The following NINL variants were observed in gnomAD, a reference collection of about 807,000 sequenced individuals.
NINL encodes the protein ninein-like protein.
Under a neutral mutation model 160.3 loss-of-function variants are expected in NINL, and 153 were observed. That is an observed-to-expected ratio of 0.95 (90% CI 0.84 to 1.09). The LOEUF (loss-of-function observed/expected upper bound fraction) is 1.09, where lower values mean the gene tolerates loss of function less well. Among genes scored for constraint, NINL ranks in the 50% least tolerant of loss-of-function variants. The probability of loss-of-function intolerance (pLI) is 0.00; values close to 1 mark genes in which losing one functional copy is unlikely to be tolerated. For missense variants in NINL, 1,829 were observed against 1,764.0 expected (o/e 1.04, Z -0.66); for synonymous variants, 800 against 734.8 (o/e 1.09, Z -1.43).
intron 2 of NINL, among the ~76,000 whole-genome samples, chr20:25,523,237 T>C (rs1568940294): frequency 5.3e-5 from 8 of 151,646 alleles, no homozygotes. Flanking sequence ...TATGAGAGAA[T>C]ATATATATAT....
intron 14 of NINL, 100 bp downstream of exon 14, chr20:25,481,868 A>T (rs1490477370): frequency 4.7e-6 from 7 of 1,488,468 alleles, no homozygotes; most frequent in Non-Finnish European, 6.3e-6. Flanking sequence ...GGTCACAGCA[A>T]CATCATCATC....
intron 1 of NINL, among the ~76,000 whole-genome samples, chr20:25,546,916 T>C (rs1490879726): frequency 2.0e-5 from 3 of 152,204 alleles, no homozygotes; most frequent in Non-Finnish European, 4.4e-5. Context: ...GAAGTTGGCG[T>C]GGCTTCTTCT....
intron 1 of NINL, among the ~76,000 whole-genome samples, chr20:25,534,711 T>C (rs1568950034): frequency 6.6e-6 from 1 of 152,244 alleles, no homozygotes; most frequent in Non-Finnish European, 1.5e-5. Context: ...CTATATGTAC[T>C]GTCATCCCTC....
chr20:25,507,136 C>A (rs1469473890), intron 5 of NINL, among the ~76,000 whole-genome samples: 2 of 152,188 alleles, frequency 1.3e-5, no homozygotes, highest in African/African-American at 4.8e-5. Flanking sequence ...TGGAATGTTC[C>A]ACATCCGGAT....
At chr20:25,479,989 C>A (rs1028997275) in intron 15 of NINL, among the ~76,000 whole-genome samples, 172 bp downstream of exon 15, 7 of 152,228 alleles carry the variant, frequency 4.6e-5, no homozygotes, top group Non-Finnish European at 1.0e-4. Context: ...AGGGTTTGGG[C>A]AGCATGTCAG....
intron 1 of NINL, among the ~76,000 whole-genome samples, chr20:25,554,689 C>T (rs1365205087): frequency 6.7e-6 from 1 of 149,350 alleles, no homozygotes; most frequent in Non-Finnish European, 1.5e-5. Context: ...GGTCTGTAGT[C>T]CTAGCTATTC....
intron 1 of NINL, among the ~76,000 whole-genome samples, chr20:25,544,777 G>A (rs1238218885): frequency 6.6e-6 from 1 of 152,238 alleles, no homozygotes; most frequent in Admixed American, 6.5e-5. Flanking sequence ...GCTGGGTGCA[G>A]GGAAAAGACA....
rs550394303 is a variant in NINL, at chr20:25,581,651, G to C, written c.-12+3804C>G. 1.6e-3 allele frequency among the ~76,000 whole-genome samples: 247 copies of C among 152,256 alleles called. 2 individuals carry two copies. The highest frequency in any genetic ancestry group is 2.9e-3 in the Non-Finnish European group (197 of 68,042). On this transcript the variant is annotated intron_variant, in intron 1 of 23. Coordinates refer to ENST00000278886, the MANE Select transcript of NINL (RefSeq NM_025176.6). ...GATATGTGTGTTTATGTAAAGTTCA[G>C]GTGCAATAAAAATTAGCGGATAACT...
chr20:25,496,920 C>A, intron 9 of NINL, 117 bp from the exon 10 acceptor site: 3 of 1,336,828 alleles, frequency 2.2e-6, no homozygotes, highest in South Asian at 1.4e-5. Flanking sequence ...ACCAACTATA[C>A]AGCGGGCACT....
intron 1 of NINL, among the ~76,000 whole-genome samples, chr20:25,567,312 T>A (rs1022877403): frequency 6.6e-6 from 1 of 152,070 alleles, no homozygotes; most frequent in Non-Finnish European, 1.5e-5. Flanking sequence ...GTGTAACACA[T>A]GCATAATGGG....
intron 8 of NINL, among the ~76,000 whole-genome samples, chr20:25,500,556 A>G (rs2063846997): frequency 6.6e-6 from 1 of 152,196 alleles, no homozygotes; most frequent in South Asian, 2.1e-4. Flanking sequence ...CCTTGGCCCA[A>G]CATTCAGGGG....
intron 2 of NINL, among the ~76,000 whole-genome samples, chr20:25,523,473 G>A (rs2064299055): frequency 6.6e-6 from 1 of 152,042 alleles, no homozygotes; most frequent in South Asian, 2.1e-4. Context: ...GGCTAATCTT[G>A]AACTCCTAGA....
intron 1 of NINL, among the ~76,000 whole-genome samples, chr20:25,560,781 G>A (rs2064924692): frequency 6.6e-6 from 1 of 152,062 alleles, no homozygotes; most frequent in East Asian, 1.9e-4. Context: ...AGACAAGGAA[G>A]GAGGCAGCAT....
chr20:25,461,594 C>A lies in NINL; in HGVS notation c.3624G>T (p.Leu1208=). The A allele has an allele frequency of 6.2e-7, 1 of 1,611,028 alleles. No individual in the cohort carries two copies. The highest frequency in any genetic ancestry group is 1.1e-5 in the South Asian group (1 of 90,436). The change falls in exon 21 of 24, where the codon CTG becomes CTT. Residue 1208 remains leucine (L), a synonymous_variant. Transcript: ENST00000278886. Reference sequence around the variant, plus strand: ...GCTGCAGGCTCTGATGTTCCTGATTCAGGCATTCAAGTTCAACTCTAAGTT... The same window carrying A: ...GCTGCAGGCTCTGATGTTCCTGATTAAGGCATTCAAGTTCAACTCTAAGTT... ...IQKLRVELEC[L]NQEHQSLQLP...
chr20:25,477,101 G>A lies in NINL; in HGVS notation c.2202-12C>T, dbSNP rs928347711. On this transcript the variant is annotated splice_polypyrimidine_tract_variant and intron_variant, in intron 16 of 23. Coordinates refer to ENST00000278886, the MANE Select transcript of NINL (RefSeq NM_025176.6). ...CCTCAGCCTCTCTCCTGTGGAAGTA[G>A]AACCGTCACACACCACAGCCCTGCC... 3 of 1,582,152 alleles carry A rather than the reference G, an allele frequency of 1.9e-6. No individual in the cohort carries two copies. Among genetic ancestry groups the A allele is most frequent in the Admixed American group, 1.7e-5 (1 of 58,824 alleles).
intron 1 of NINL, among the ~76,000 whole-genome samples, chr20:25,531,509 T>C (rs1352205221): frequency 1.3e-5 from 2 of 152,092 alleles, no homozygotes; most frequent in Non-Finnish European, 2.9e-5. Context: ...TAAGAAATTA[T>C]AAAAGTATTA....
At chr20:25,524,383 C>T (rs1001515830) in intron 2 of NINL, among the ~76,000 whole-genome samples, 1 of 152,216 alleles carries the variant, frequency 6.6e-6, no homozygotes, top group South Asian at 2.1e-4. Flanking sequence ...ATCTGACTTG[C>T]TTTCTGGGAA....
At chr20:25,504,142 G>A in intron 6 of NINL, 38 bp from the exon 7 acceptor site, 1 of 1,531,292 alleles carries the variant, frequency 6.5e-7, no homozygotes, top group Non-Finnish European at 8.8e-7. Flanking sequence ...CCACCCACAA[G>A]AGCTCCACCC....
intron 1 of NINL, among the ~76,000 whole-genome samples, chr20:25,560,654 C>T (rs746011894): frequency 6.6e-6 from 1 of 152,084 alleles, no homozygotes; most frequent in African/African-American, 2.4e-5. Context: ...GCCCCCTGTA[C>T]CTCTGCTGGT....
Sources: gnomAD v4.1 joint callset for allele counts (sites outside exome capture counted in the v4.1 genomes callset) on GRCh38, gnomAD v4.1.1 for gene constraint, MANE v1.5 for transcripts, NCBI Gene and HGNC (gene_info 2026-07-23, HGNC 2026-07-21) for gene names.